PRKN: variants seen among roughly 807,000 people sequenced by gnomAD.
PRKN encodes E3 ubiquitin-protein ligase parkin.
Under a neutral mutation model 59.5 loss-of-function variants are expected in PRKN, and 56 were observed. That is an observed-to-expected ratio of 0.94 (90% CI 0.76 to 1.18). The LOEUF (loss-of-function observed/expected upper bound fraction) is 1.18, where lower values mean the gene tolerates loss of function less well. Among genes scored for constraint, PRKN ranks in the 50% most tolerant of loss-of-function variants. The probability of loss-of-function intolerance (pLI) is 0.00; values close to 1 mark genes in which losing one functional copy is unlikely to be tolerated. For missense variants in PRKN, 657 were observed against 596.4 expected (o/e 1.10, Z -1.06); for synonymous variants, 250 against 222.1 (o/e 1.13, Z -1.12).
At position 161,550,738 on chromosome 6, in the gene PRKN, C is replaced by CGTGTGTGTGTGTGTGTGTGTGTGT. The variant is rs57908717; in HGVS notation, c.934-1759_934-1736dup. Among the ~76,000 whole-genome samples the CGTGTGTGTGTGTGTGTGTGTGTGT allele has an allele frequency of 1.4e-5, 2 of 146,192 alleles. No homozygotes were observed. Among genetic ancestry groups the CGTGTGTGTGTGTGTGTGTGTGTGT allele is most frequent in the Non-Finnish European group, 3.0e-5 (2 of 66,762 alleles). On this transcript the variant is annotated intron_variant, in intron 8 of 11. Coordinates refer to ENST00000366898, the MANE Select transcript of PRKN (RefSeq NM_004562.3). This position sits in a 1 kb window ranked among gnomAD's most constrained non-coding sequence, Gnocchi z 4.0. ...AAGAAAGGGTATGTGTGTGTGTGCA[C>CGTGTGTGTGTGTGTGTGTGTGTGT]GTGTGTGTGTGTGTGTGTGTGTGTA...
At chr6:161,624,733 C>T (rs754486936) in intron 7 of PRKN, among the ~76,000 whole-genome samples, 7 of 152,196 alleles carry the variant, frequency 4.6e-5, no homozygotes, top group Non-Finnish European at 1.0e-4. Context: ...CAGATGGACA[C>T]ACACATTCTA....
At position 161,497,575 on chromosome 6, in the gene PRKN, T is replaced by A. The variant is rs57100360; in HGVS notation, c.1083+51279A>T. Reference sequence around the variant, plus strand: ...ACATGTCTCTCTCTCTCTCTCTCTCTCTCACACACACACACACACACACCA... The same window carrying A: ...ACATGTCTCTCTCTCTCTCTCTCTCACTCACACACACACACACACACACCA... On this transcript the variant is annotated intron_variant, in intron 9 of 11. Coordinates refer to ENST00000366898, the MANE Select transcript of PRKN (RefSeq NM_004562.3). The surrounding 1 kb of genome is among the most constrained non-coding windows in gnomAD (Gnocchi z 4.6). 0.1 allele frequency among the ~76,000 whole-genome samples: 14,196 copies of A among 139,440 alleles called. 945 individuals are homozygous for A. Among genetic ancestry groups the A allele is most frequent in the African/African-American group, 0.23 (7,839 of 34,186 alleles). 91.5% of individuals were successfully genotyped at this position (139,440 alleles called of 152,430 possible). A position where few individuals can be genotyped will look rare whatever the true frequency, so the allele number is the denominator to read the frequency against.
At chr6:162,352,122 T>G (rs544237086) in intron 2 of PRKN, among the ~76,000 whole-genome samples, 4 of 152,108 alleles carry the variant, frequency 2.6e-5, no homozygotes, top group Non-Finnish European at 5.9e-5. Flanking sequence ...CAAAAGGATT[T>G]GAGACATGGA....
At chr6:162,463,786 C>A (rs1791283876) in intron 1 of PRKN, among the ~76,000 whole-genome samples, 1 of 152,166 alleles carries the variant, frequency 6.6e-6, no homozygotes, top group African/African-American at 2.4e-5. Context: ...ACAAAGGCAT[C>A]TCGAGTTCAA....
chr6:161,726,260 T>C (rs1365457600), intron 7 of PRKN, among the ~76,000 whole-genome samples: 1 of 152,238 alleles, frequency 6.6e-6, no homozygotes, highest in African/African-American at 2.4e-5. Flanking sequence ...AATGTGTTTC[T>C]GGAAACTCTG....
intron 2 of PRKN, among the ~76,000 whole-genome samples, chr6:162,415,977 T>C (rs1442307091): frequency 6.6e-6 from 1 of 152,186 alleles, no homozygotes; most frequent in Non-Finnish European, 1.5e-5. Flanking sequence ...AATTCTGTTG[T>C]TTAGTGCACT....
intron 7 of PRKN, among the ~76,000 whole-genome samples, chr6:161,697,823 T>C (rs1220572267): frequency 1.3e-5 from 2 of 152,198 alleles, no homozygotes; most frequent in Admixed American, 6.5e-5. Flanking sequence ...ATTTTCTAAT[T>C]GTGGAACAAT....
At chr6:162,303,662 G>A (rs567261603) in intron 2 of PRKN, among the ~76,000 whole-genome samples, 4 of 152,200 alleles carry the variant, frequency 2.6e-5, no homozygotes, top group African/African-American at 9.6e-5. Context: ...AAATTATACT[G>A]GTCAAAATTC....
chr6:161,676,770 G>A (rs1280115434), intron 7 of PRKN, among the ~76,000 whole-genome samples: 2 of 152,200 alleles, frequency 1.3e-5, no homozygotes, highest in Non-Finnish European at 2.9e-5. Flanking sequence ...CTGGTTTCAT[G>A]TAGGGTGCTG....
intron 2 of PRKN, among the ~76,000 whole-genome samples, chr6:162,321,120 T>A (rs1390972338): frequency 6.6e-6 from 1 of 151,852 alleles, no homozygotes; most frequent in Non-Finnish European, 1.5e-5. Flanking sequence ...AAAATTATAC[T>A]GTCTTGTCAG....
intron 4 of PRKN, among the ~76,000 whole-genome samples, chr6:162,078,826 A>G (rs1778938818): frequency 6.6e-6 from 1 of 151,280 alleles, no homozygotes; most frequent in African/African-American, 2.4e-5. Context: ...CATTAAATGA[A>G]AAGAATAGGG....
At chr6:161,606,957 G>T (rs73595316) in intron 7 of PRKN, among the ~76,000 whole-genome samples, 4 of 152,174 alleles carry the variant, frequency 2.6e-5, no homozygotes, top group South Asian at 2.1e-4. Context: ...GCACAGCATG[G>T]GGGGGAGATG....
Position 161,413,343 on chromosome 6 carries a change from C to A in PRKN, c.1084-26466G>T, listed in dbSNP as rs1019961939. Among the ~76,000 whole-genome samples, 1 of 152,166 alleles carries A rather than the reference C, an allele frequency of 6.6e-6. No homozygotes were observed. The highest frequency in any genetic ancestry group is 2.4e-5 in the African/African-American group (1 of 41,428). ...TCCGCTTTCCCTTCACTTCCTGAGTCTCTTTCCATTAGAAGAAGAATTCAT... is the reference window on the plus strand; with the variant it reads ...TCCGCTTTCCCTTCACTTCCTGAGTATCTTTCCATTAGAAGAAGAATTCAT... On this transcript the variant is annotated intron_variant, in intron 9 of 11. Coordinates refer to ENST00000366898, the MANE Select transcript of PRKN (RefSeq NM_004562.3). This position sits in a 1 kb window ranked among gnomAD's most constrained non-coding sequence, Gnocchi z 4.4.
rs1777850654 is a variant in PRKN, at chr6:161,498,870, TG to T, written c.1083+49983del. ...TCTATTTTTCAAGTGAAATATGCTT[TG>T]GAACACCTATACATAATAAAAGCAG... is the stretch of plus-strand genomic sequence containing the variant. On this transcript the variant is annotated intron_variant, in intron 9 of 11. Coordinates refer to ENST00000366898, the MANE Select transcript of PRKN (RefSeq NM_004562.3). The surrounding 1 kb of genome is among the most constrained non-coding windows in gnomAD (Gnocchi z 4.2). 6.6e-6 allele frequency among the ~76,000 whole-genome samples: 1 copy of T among 152,202 alleles called. No homozygotes were observed. The highest frequency in any genetic ancestry group is 2.1e-4 in the South Asian group (1 of 4,824).
At chr6:162,144,119 C>T (rs1460456546) in intron 4 of PRKN, among the ~76,000 whole-genome samples, 1 of 152,140 alleles carries the variant, frequency 6.6e-6, no homozygotes. Context: ...ATCACAGGCT[C>T]TCTCTCAAAA....
intron 2 of PRKN, among the ~76,000 whole-genome samples, chr6:162,296,027 A>C (rs1781658569): frequency 6.6e-6 from 1 of 152,244 alleles, no homozygotes; most frequent in Admixed American, 6.5e-5. Flanking sequence ...TTGGAAAAGT[A>C]AAAATAATTA....
chr6:162,502,304 G>C (rs60841474), intron 1 of PRKN, among the ~76,000 whole-genome samples: 21,626 of 152,146 alleles, frequency 0.14, 1,793 homozygotes, highest in Non-Finnish European at 0.18. Context: ...GAGACCAGAG[G>C]TGTGCACCAC....
chr6:161,753,832 T>C (rs909610525), intron 7 of PRKN, among the ~76,000 whole-genome samples: 1 of 152,186 alleles, frequency 6.6e-6, no homozygotes, highest in African/African-American at 2.4e-5. Flanking sequence ...TCCCTTCTGA[T>C]AGTTTCTACT....
chr6:162,536,230 AC>A (rs1280135149), intron 1 of PRKN, among the ~76,000 whole-genome samples: 1 of 152,024 alleles, frequency 6.6e-6, no homozygotes, highest in Non-Finnish European at 1.5e-5. Flanking sequence ...GCTATACTTC[AC>A]TCAGCAATGC....
Sources: allele counts gnomAD v4.1 joint callset (sites outside exome capture counted in the v4.1 genomes callset), GRCh38; gene constraint gnomAD v4.1.1; non-coding constraint Gnocchi (gnomAD v3.1); transcripts MANE v1.5; gene names NCBI Gene and HGNC (gene_info 2026-07-23, HGNC 2026-07-21).